SYT10: variants seen among roughly 807,000 people sequenced by gnomAD.
The protein encoded by SYT10 is synaptotagmin 10.
Under a neutral mutation model 51.1 loss-of-function variants are expected in SYT10, and 31 were observed. That is an observed-to-expected ratio of 0.61 (90% CI 0.46 to 0.82). SYT10 has a LOEUF of 0.82. Ranked by LOEUF, SYT10 falls within the 40% of genes least tolerant of loss-of-function variation. The pLI is 0.00. For missense variants in SYT10, 603 were observed against 634.0 expected, an observed-to-expected ratio of 0.95 and a Z score of 0.53; for synonymous variants, 233 against 225.9, an observed-to-expected ratio of 1.03 and a Z score of -0.28.
In SYT10 at chr12:33,422,099, AAC is replaced by A. The variant is rs1866510524; in HGVS notation, c.509+4037_509+4038del. ...CAAAACTTAAAGTATTAAAAAAAAA[AAC>A]TTAAAAAAAAAGCAATATAGAAGTG... is the stretch of plus-strand genomic sequence containing the variant. On this transcript the variant is annotated intron_variant, in intron 2 of 6. Transcript: ENST00000228567. Among the ~76,000 whole-genome samples, 3 of 150,124 alleles carry A rather than the reference AAC, an allele frequency of 2.0e-5. 1 individual carries two copies. The South Asian group carries it at 6.3e-4, about 32-fold the overall frequency.
At chr12:33,391,572 G>C (rs1866207293) in intron 3 of SYT10, among the ~76,000 whole-genome samples, 1 of 152,080 alleles carries the variant, frequency 6.6e-6, no homozygotes, top group African/African-American at 2.4e-5. Context: ...CTCTCCTCAG[G>C]AGCACATAAT....
At chr12:33,439,029 C>T (rs1295742616) in intron 1 of SYT10, among the ~76,000 whole-genome samples, 7 of 152,210 alleles carry the variant, frequency 4.6e-5, no homozygotes, top group Admixed American at 2.6e-4. Context: ...GCCGTCCCGG[C>T]GCCGTCACCG....
At chr12:33,403,565 T>G (rs570117045) in intron 3 of SYT10, among the ~76,000 whole-genome samples, 80 of 152,152 alleles carry the variant, frequency 5.3e-4, no homozygotes, top group Non-Finnish European at 2.9e-4. Context: ...TTTATTTTAT[T>G]TGTTACATAA....
rs1866568468 is a variant in SYT10, at chr12:33,428,273, C to T, written c.152-1778G>A. 2.0e-5 allele frequency among the ~76,000 whole-genome samples: 3 copies of T among 152,136 alleles called. No individual in the cohort carries two copies. In the South Asian group the frequency reaches 6.2e-4, roughly 32 times the overall value. On this transcript the variant is annotated intron_variant, in intron 1 of 6. Transcript: ENST00000228567. Reference sequence around the variant, plus strand: ...TAAATGCAACTTAAATAAATTGCAACTAATTTAACTTCCTTAAATAGTGGG... The same window carrying T: ...TAAATGCAACTTAAATAAATTGCAATTAATTTAACTTCCTTAAATAGTGGG...
intron 1 of SYT10, among the ~76,000 whole-genome samples, chr12:33,427,804 TAGG>T (rs1353973299): frequency 6.6e-6 from 1 of 152,200 alleles, no homozygotes; most frequent in Non-Finnish European, 1.5e-5. Context: ...AGTGAGGATC[TAGG>T]AGAATTTATA....
intron 1 of SYT10, among the ~76,000 whole-genome samples, chr12:33,435,672 A>T (rs1275484434): frequency 2.0e-5 from 3 of 152,196 alleles, no homozygotes; most frequent in African/African-American, 7.2e-5. Flanking sequence ...GTGATTAAAA[A>T]ATGATAACTC....
In SYT10 at chr12:33,385,180, C is replaced by T. The variant is rs1262092203; in HGVS notation, c.1189G>A (p.Gly397Ser). Residue 397 changes from glycine (G) to serine (S), a missense_variant, in exon 4 of 7, where the codon GGC (glycine) becomes AGC (serine). Physicochemically the swap from Gly to Ser is moderately conservative, Grantham distance 56. Coordinates refer to ENST00000228567, the MANE Select transcript of SYT10 (RefSeq NM_198992.4). Reference protein sequence around the residue: ...CRNLKAMDITGSSDPYVKVSL... With the variant: ...CRNLKAMDITSSSDPYVKVSL... ...GCCATTGTGTACATACCTGATGAGC[C>T]AGTAATATCCATCGCCTTCAGATTT... The T allele has an allele frequency of 6.2e-7, 1 of 1,613,498 alleles. No homozygotes were observed. The highest frequency in any genetic ancestry group is 1.1e-5 in the South Asian group (1 of 91,064).
At chr12:33,406,648 G>A in intron 3 of SYT10, 141 bp downstream of exon 3, 1 of 705,288 alleles carries the variant, frequency 1.4e-6, no homozygotes, top group South Asian at 2.3e-5. Flanking sequence ...ATTATTAGTA[G>A]AAATGAAATT....
chr12:33,404,835 A>G (rs111468265), intron 3 of SYT10: 204 of 152,330 alleles, frequency 1.3e-3, no homozygotes, highest in African/African-American at 4.9e-3. Context: ...ATTTGTGGTA[A>G]TTTTTATAGC....
intron 2 of SYT10, among the ~76,000 whole-genome samples, chr12:33,410,567 A>C (rs1345262783): frequency 6.6e-6 from 1 of 152,182 alleles, no homozygotes; most frequent in Non-Finnish European, 1.5e-5. Flanking sequence ...TTAAAGATTC[A>C]AACTAGTAAA....
chr12:33,426,602 T>G, intron 1 of SYT10, 107 bp from the exon 2 acceptor site: 1 of 1,031,576 alleles, frequency 9.7e-7, no homozygotes. Flanking sequence ...GATTCAGAAT[T>G]TCAAAAACTC....
chr12:33,384,410 A>G (rs1866140687), intron 4 of SYT10, among the ~76,000 whole-genome samples: 2 of 152,094 alleles, frequency 1.3e-5, no homozygotes, highest in African/African-American at 4.8e-5. Context: ...GATCTTCCCC[A>G]AATGTCATCC....
At chr12:33,436,067 C>G (rs1866635392) in intron 1 of SYT10, among the ~76,000 whole-genome samples, 2 of 152,140 alleles carry the variant, frequency 1.3e-5, no homozygotes, top group South Asian at 4.1e-4. Context: ...GCTCAAGTGA[C>G]TGTGAGCTTA....
chr12:33,413,703 C>A (rs1319691726), intron 2 of SYT10, among the ~76,000 whole-genome samples: 1 of 152,160 alleles, frequency 6.6e-6, no homozygotes, highest in East Asian at 1.9e-4. Flanking sequence ...TGGAAAGGAA[C>A]AACCGGTACC....
chr12:33,406,912 C>T lies in SYT10; in HGVS notation c.954G>A (p.Val318=), dbSNP rs141819559. 19 of 1,613,882 alleles carry T rather than the reference C, an allele frequency of 1.2e-5. No individual in the cohort carries two copies. The highest frequency in any genetic ancestry group is 1.5e-5 in the Non-Finnish European group (18 of 1,180,018). The change falls in exon 3 of 7, where the codon GTG becomes GTA. Residue 318 remains valine, a synonymous_variant. Transcript: ENST00000228567. ...GTCTAGAAAATCTGTCAAAATCATA[C>T]ACACTGAAATGTAGTTTTCGGTTGC... ...QLSNRKLHFS[V]YDFDRFSRHD...
chr12:33,410,310 T>A (rs1312232839), intron 2 of SYT10, among the ~76,000 whole-genome samples: 3 of 152,212 alleles, frequency 2.0e-5, no homozygotes, highest in Non-Finnish European at 2.9e-5. Context: ...CTCTTACGTT[T>A]AATTTGCTTA....
chr12:33,408,611 C>A (rs779547937), intron 2 of SYT10, among the ~76,000 whole-genome samples: 16 of 152,178 alleles, frequency 1.1e-4, no homozygotes, highest in Non-Finnish European at 2.2e-4. Flanking sequence ...TCAGACTAAT[C>A]ATCAGTTCTT....
intron 5 of SYT10, among the ~76,000 whole-genome samples, chr12:33,380,586 A>C (rs139674016): frequency 6.6e-6 from 1 of 152,314 alleles, no homozygotes; most frequent in East Asian, 1.9e-4. Flanking sequence ...AATAACAGTT[A>C]ATATTTTTGA....
chr12:33,411,976 C>T (rs1190099597), intron 2 of SYT10, among the ~76,000 whole-genome samples: 1 of 151,920 alleles, frequency 6.6e-6, no homozygotes, highest in Middle Eastern at 3.2e-3. Flanking sequence ...ATTCAATATT[C>T]TTAAGATATT....
Sources: gnomAD v4.1 joint callset for allele counts (sites outside exome capture counted in the v4.1 genomes callset) on GRCh38, gnomAD v4.1.1 for gene constraint, MANE v1.5 for transcripts, NCBI Gene and HGNC (gene_info 2026-07-23, HGNC 2026-07-21) for gene names.